Variants in MAP4K3 observed in about 807,000 individuals in gnomAD.
MAP4K3 encodes MAPK/ERK kinase kinase kinase 3.
MAP4K3 carries 94 observed loss-of-function variants against 143.5 expected under a neutral mutation model. That is an observed-to-expected ratio of 0.65 (90% CI 0.55 to 0.78). The LOEUF is 0.78. Ranked by LOEUF, MAP4K3 falls within the 30% of genes least tolerant of loss-of-function variation. The probability of loss-of-function intolerance (pLI) is 0.00; values close to 1 mark genes in which losing one functional copy is unlikely to be tolerated. For synonymous variants in MAP4K3, 416 were observed against 347.2 expected (o/e 1.20, Z -2.20); for missense variants, 1,077 against 1,068.1 (o/e 1.01, Z -0.12).
chr2:39,309,357 G>A, intron 14 of MAP4K3, 104 bp downstream of exon 14: 1 of 830,528 alleles, frequency 1.2e-6, no homozygotes, highest in Non-Finnish European at 1.9e-6. Flanking sequence ...GAATGTTTTT[G>A]AAAATATTAA....
chr2:39,259,965 T>C (rs998840234), intron 29 of MAP4K3, among the ~76,000 whole-genome samples: 10 of 152,130 alleles, frequency 6.6e-5, no homozygotes, highest in African/African-American at 2.4e-4. Context: ...TAGTAAGAGG[T>C]GTGTTCATGC....
intron 3 of MAP4K3, among the ~76,000 whole-genome samples, chr2:39,352,069 G>T (rs925437120): frequency 2.0e-5 from 3 of 152,160 alleles, no homozygotes; most frequent in African/African-American, 7.2e-5. Context: ...AGGCGTGGTG[G>T]CTCACAAGGT....
chr2:39,328,503 C>A (rs941719758), intron 8 of MAP4K3, among the ~76,000 whole-genome samples: 1 of 152,062 alleles, frequency 6.6e-6, no homozygotes, highest in Non-Finnish European at 1.5e-5. Context: ...CTATGCCACT[C>A]AAGAAAAAGG....
intron 16 of MAP4K3, 59 bp from the exon 17 acceptor site, chr2:39,293,327 ATG>A (rs1682133572): frequency 6.7e-6 from 7 of 1,052,022 alleles, no homozygotes; most frequent in African/African-American, 3.3e-5. Context: ...GGAATATCGA[ATG>A]TGTTTTTATC....
At chr2:39,404,617 C>CTTTTTTTTT (rs1174319224) in intron 1 of MAP4K3, among the ~76,000 whole-genome samples, 7 of 86,114 alleles carry the variant, frequency 8.1e-5, no homozygotes, top group East Asian at 2.8e-4. Context: ...TTCTTTCTTT[C>CTTTTTTTTT]TTTTTTTTTT....
At chr2:39,369,193 G>GTTTTTTTTTTTTTTTTTTT (rs1553419595) in intron 2 of MAP4K3, among the ~76,000 whole-genome samples, 3 of 37,968 alleles carry the variant, frequency 7.9e-5, no homozygotes, top group Admixed American at 4.1e-4. Context: ...CTTTGGGCTA[G>GTTTTTTTTTTTTTTTTTTT]TTTTTTTTTT....
At chr2:39,415,138 C>A (rs1427439591) in intron 1 of MAP4K3, among the ~76,000 whole-genome samples, 1 of 152,152 alleles carries the variant, frequency 6.6e-6, no homozygotes, top group African/African-American at 2.4e-5. Context: ...TTGTAAAAGT[C>A]CAAACTTCTC....
intron 4 of MAP4K3, among the ~76,000 whole-genome samples, chr2:39,338,783 G>A (rs914449306): frequency 6.6e-6 from 1 of 152,186 alleles, no homozygotes; most frequent in African/African-American, 2.4e-5. Flanking sequence ...ACTTCAAGCA[G>A]TGTCTACTCT....
intron 3 of MAP4K3, among the ~76,000 whole-genome samples, chr2:39,355,532 G>A (rs931573498): frequency 7.9e-5 from 12 of 151,734 alleles, no homozygotes; most frequent in South Asian, 2.1e-4. Context: ...ACTCTGTCCC[G>A]CCCCCACAAA....
chr2:39,300,355 AAGC>A (rs1360754172), intron 15 of MAP4K3, among the ~76,000 whole-genome samples: 1 of 152,210 alleles, frequency 6.6e-6, no homozygotes, highest in East Asian at 1.9e-4. Context: ...ATAATTTTTT[AAGC>A]AAAACTTCAA....
rs148570825 is a variant in MAP4K3 at position 39,251,100 on chromosome 2, G to A, written c.2598-395C>T. ...TAACGTACCCAGACACTGGTATTCA[G>A]TGAAAGACTGGCTAGGGGGCCAGGG... On this transcript the variant is annotated intron_variant, in intron 33 of 33. Transcript: ENST00000263881. Among the ~76,000 whole-genome samples the A allele has an allele frequency of 1.2e-3, 176 of 152,360 alleles. 1 individual carries two copies. In the East Asian group the frequency reaches 0.022, roughly 19 times the overall value.
intron 1 of MAP4K3, among the ~76,000 whole-genome samples, chr2:39,429,603 G>C (rs932917416): frequency 2.1e-4 from 32 of 151,972 alleles, no homozygotes; most frequent in African/African-American, 7.5e-4. Context: ...GTGGGTGTTG[G>C]GTACATGAGA....
At chr2:39,404,617 C>CT (rs1174319224) in intron 1 of MAP4K3, among the ~76,000 whole-genome samples, 2,304 of 86,092 alleles carry the variant, frequency 0.027, 128 homozygotes, top group African/African-American at 0.088. Flanking sequence ...TTCTTTCTTT[C>CT]TTTTTTTTTT....
intron 4 of MAP4K3, among the ~76,000 whole-genome samples, chr2:39,341,786 A>G (rs767566308): frequency 1.3e-4 from 20 of 152,208 alleles, no homozygotes; most frequent in Admixed American, 2.6e-4. Context: ...AGAAATTACA[A>G]GCTTCTAGAA....
At chr2:39,371,300 T>A (rs899833229) in intron 2 of MAP4K3, among the ~76,000 whole-genome samples, 4 of 152,208 alleles carry the variant, frequency 2.6e-5, no homozygotes, top group Non-Finnish European at 2.9e-5. Flanking sequence ...GACTTCAGGA[T>A]TGGATTATAA....
At chr2:39,284,940 G>C (rs974558881) in intron 21 of MAP4K3, among the ~76,000 whole-genome samples, 1 of 151,898 alleles carries the variant, frequency 6.6e-6, no homozygotes, top group African/African-American at 2.4e-5. Flanking sequence ...ACCCAGGCTG[G>C]AGTGCAGTGG....
At chr2:39,400,143 G>A (rs1056625439) in intron 1 of MAP4K3, among the ~76,000 whole-genome samples, 3 of 152,082 alleles carry the variant, frequency 2.0e-5, no homozygotes, top group Non-Finnish European at 2.9e-5. Context: ...CTGCCCAAGG[G>A]AGAACGCTAT....
At chr2:39,423,842 A>G (rs896345825) in intron 1 of MAP4K3, among the ~76,000 whole-genome samples, 1 of 152,248 alleles carries the variant, frequency 6.6e-6, no homozygotes, top group African/African-American at 2.4e-5. Context: ...ATACTGATGG[A>G]AACATTTGTC....
intron 1 of MAP4K3, among the ~76,000 whole-genome samples, chr2:39,389,015 T>C (rs903660477): frequency 2.0e-5 from 3 of 152,108 alleles, no homozygotes; most frequent in Non-Finnish European, 2.9e-5. Flanking sequence ...TTTTAGGAAT[T>C]AAAAGATATA....
Sources: gnomAD v4.1 joint callset for allele counts (sites outside exome capture counted in the v4.1 genomes callset) on GRCh38, gnomAD v4.1.1 for gene constraint, MANE v1.5 for transcripts, NCBI Gene and HGNC (gene_info 2026-07-23, HGNC 2026-07-21) for gene names.